The following ST7L variants were observed in gnomAD, a reference collection of about 807,000 sequenced individuals.
ST7L encodes the protein suppression of tumorigenicity 7 like.
In ST7L, 57 loss-of-function variants were observed where a neutral mutation model predicts 72.5. The ratio of observed to expected loss-of-function variants is 0.79; its 90% CI spans 0.64 to 0.98. ST7L has a LOEUF of 0.98. Among genes scored for constraint, ST7L ranks in the 50% least tolerant of loss-of-function variants. ST7L has a pLI of 0.00. For synonymous variants in ST7L, 221 were observed against 240.9 expected, an observed-to-expected ratio of 0.92 and a Z score of 0.77; for missense variants, 576 against 672.2, an observed-to-expected ratio of 0.86 and a Z score of 1.58.
intron 3 of ST7L, among the ~76,000 whole-genome samples, chr1:112,602,083 CAA>C (rs71584754): frequency 0.028 from 2,451 of 89,040 alleles, 71 homozygotes; most frequent in African/African-American, 0.09. Flanking sequence ...AAACTCCATC[CAA>C]AAAAAAAAAA....
intron 1 of ST7L, 49 bp from the exon 2 acceptor site, chr1:112,616,944 A>G: frequency 7.7e-7 from 1 of 1,295,694 alleles, no homozygotes; most frequent in Non-Finnish European, 1.1e-6. Context: ...AATTTAAAGT[A>G]CTTAGGTTAC....
intron 6 of ST7L, among the ~76,000 whole-genome samples, chr1:112,586,310 G>A (rs1571181765): frequency 6.6e-6 from 1 of 152,114 alleles, no homozygotes; most frequent in Admixed American, 6.5e-5. Context: ...GTGTGGTTGT[G>A]TGCACCTGTA....
Position 112,569,957 on chromosome 1 carries a change from C to CAAA in ST7L, c.1245+7026_1245+7028dup, listed in dbSNP as rs750153250. On this transcript the variant is annotated intron_variant, in intron 11 of 14. Transcript: ENST00000358039. ...TGGATGACAGAGGAAGATTCTGTCT[C>CAAA]AAAAAAAAAAAAAAAAACAAAAAAA... is the stretch of plus-strand genomic sequence containing the variant. 2.2e-3 allele frequency among the ~76,000 whole-genome samples: 159 copies of CAAA among 73,166 alleles called. 3 individuals are homozygous for CAAA. Among genetic ancestry groups the CAAA allele is most frequent in the African/African-American group, 3.7e-3 (67 of 18,114 alleles). The allele number at this position is 73,166 out of a possible 152,430, so 48.0% of individuals were successfully genotyped here. A position where few individuals can be genotyped will look rare whatever the true frequency, so the allele number is the denominator to read the frequency against.
chr1:112,577,038 T>C lies in ST7L; in HGVS notation c.1193A>G (p.Asn398Ser). Residue 398 changes from asparagine (N) to serine (S), a missense_variant, in exon 11 of 15, where the codon AAT (asparagine) becomes AGT (serine). Physicochemically the swap from Asn to Ser is conservative, Grantham distance 46. Coordinates refer to ENST00000358039, the MANE Select transcript of ST7L (RefSeq NM_017744.5). ...AGCTCTATGAATTGCTTCCACGGCATTAATTTCTGCTGTGCTTAATCCTCT... is the reference window on the plus strand; with the variant it reads ...AGCTCTATGAATTGCTTCCACGGCACTAATTTCTGCTGTGCTTAATCCTCT... ...SRRGLSTAEINAVEAIHRAVE... is the reference protein window; with the variant it reads ...SRRGLSTAEISAVEAIHRAVE... 1 of 1,611,202 alleles carries C rather than the reference T, an allele frequency of 6.2e-7. No individual in the cohort carries two copies. Among genetic ancestry groups the C allele is most frequent in the Non-Finnish European group, 8.5e-7 (1 of 1,178,214 alleles).
chr1:112,617,890 C>A, intron 1 of ST7L: 1 of 763,784 alleles, frequency 1.3e-6, no homozygotes, highest in Non-Finnish European at 1.9e-6. Context: ...ACTTCATTCA[C>A]CTGTTACAGA....
chr1:112,607,872 G>A (rs983421811), intron 3 of ST7L, among the ~76,000 whole-genome samples: 1 of 152,178 alleles, frequency 6.6e-6, no homozygotes, highest in East Asian at 1.9e-4. Context: ...AGAAATGTAG[G>A]TCTAGAGTTT....
intron 11 of ST7L, among the ~76,000 whole-genome samples, chr1:112,558,626 G>A (rs1659579239): frequency 6.6e-6 from 1 of 152,174 alleles, no homozygotes; most frequent in Non-Finnish European, 1.5e-5. Flanking sequence ...CAAACTATGA[G>A]ATTATTTACT....
At chr1:112,559,417 A>G (rs1659724294) in intron 11 of ST7L, among the ~76,000 whole-genome samples, 1 of 151,920 alleles carries the variant, frequency 6.6e-6, no homozygotes, top group Non-Finnish European at 1.5e-5. Context: ...TATTTTTAGT[A>G]GAAACGGGGT....
intron 13 of ST7L, among the ~76,000 whole-genome samples, chr1:112,546,520 G>T (rs553791878): frequency 6.6e-6 from 1 of 152,080 alleles, no homozygotes; most frequent in South Asian, 2.1e-4. Context: ...AAACAGAAAC[G>T]ACAGAACACA....
At chr1:112,520,626 G>A (rs757265581), downstream of ST7L, 29 of 1,084,994 alleles carry the variant, frequency 2.7e-5, no homozygotes, top group Non-Finnish European at 3.4e-5. Flanking sequence ...TTCTATTTAA[G>A]GATGTAGAGA....
chr1:112,520,800 G>T, downstream of ST7L: 1 of 422,606 alleles, frequency 2.4e-6, no homozygotes, highest in Non-Finnish European at 4.2e-6. Flanking sequence ...TTGCACTAAA[G>T]TACGTAGTTG....
At chr1:112,610,816 G>A in intron 3 of ST7L, 25 bp downstream of exon 3, 1 of 1,611,444 alleles carries the variant, frequency 6.2e-7, no homozygotes, top group South Asian at 1.1e-5. Context: ...ACACAGCTCT[G>A]AAAACACATT....
rs147756148 is a variant in ST7L at position 112,609,561 on chromosome 1, C to T, written c.451+1280G>A. ...AAAAAATGCTGGGTATGGTGGCTCA[C>T]GCCTGTAATCCCAGAACTTTAGGAG... is the stretch of plus-strand genomic sequence containing the variant. On this transcript the variant is annotated intron_variant, in intron 3 of 14. Coordinates refer to ENST00000358039, the MANE Select transcript of ST7L (RefSeq NM_017744.5). Among the ~76,000 whole-genome samples, 267 of 151,180 alleles carry T rather than the reference C, an allele frequency of 1.8e-3. 1 individual carries two copies. Among genetic ancestry groups the T allele is most frequent in the African/African-American group, 6.0e-3 (247 of 41,148 alleles).
At chr1:112,521,678 T>G (rs1369078595), downstream of ST7L, 1 of 152,110 alleles carries the variant, frequency 6.6e-6, no homozygotes, top group Non-Finnish European at 1.5e-5. Flanking sequence ...TCCTAGTGAT[T>G]ATTATTATTG....
At chr1:112,544,591 C>T (rs1439919566) in intron 13 of ST7L, among the ~76,000 whole-genome samples, 1 of 152,164 alleles carries the variant, frequency 6.6e-6, no homozygotes. Context: ...GAGAAACAAA[C>T]CCTGCTATTC....
chr1:112,614,511 A>AT (rs1669557353), intron 2 of ST7L, among the ~76,000 whole-genome samples: 1 of 151,856 alleles, frequency 6.6e-6, no homozygotes, highest in Admixed American at 6.6e-5. Context: ...AATAGCTTCT[A>AT]TTTTTTTTAG....
chr1:112,561,383 A>AAC (rs1287490151), intron 11 of ST7L, among the ~76,000 whole-genome samples: 1 of 150,992 alleles, frequency 6.6e-6, no homozygotes, highest in Non-Finnish European at 1.5e-5. Context: ...TGCCTCAAAA[A>AAC]AAAAAAAAAA....
At chr1:112,545,439 AT>A in intron 13 of ST7L, among the ~76,000 whole-genome samples, 1 of 152,346 alleles carries the variant, frequency 6.6e-6, no homozygotes, top group East Asian at 1.9e-4. Context: ...TTAATATAAT[AT>A]ACTCTTGCAT....
Position 112,550,699 on chromosome 1 carries a change from G to GA in ST7L, c.1397-7dup. ...GTATGGAATCATTCTAAAAGCTGAG[G>GA]AAAAAAAAGCATGTGTTGATACTCA... is the stretch of plus-strand genomic sequence containing the variant. On this transcript the variant is annotated splice_region_variant and splice_polypyrimidine_tract_variant and intron_variant, in intron 12 of 14. Coordinates refer to ENST00000358039, the MANE Select transcript of ST7L (RefSeq NM_017744.5). The GA allele has an allele frequency of 1.7e-5, 28 of 1,602,304 alleles. No homozygotes were observed. Among genetic ancestry groups the GA allele is most frequent in the South Asian group, 4.5e-5 (4 of 89,476 alleles).
Sources: allele counts gnomAD v4.1 joint callset (sites outside exome capture counted in the v4.1 genomes callset), GRCh38; gene constraint gnomAD v4.1.1; transcripts MANE v1.5; gene names NCBI Gene and HGNC (gene_info 2026-07-23, HGNC 2026-07-21).